The following MATR3 variants were observed in gnomAD, a reference collection of about 807,000 sequenced individuals.
MATR3 encodes matrin 3, also known as matrin-3.
Under a neutral mutation model 85.5 loss-of-function variants are expected in MATR3, and 4 were observed. The observed-to-expected ratio is 0.05, with a 90% CI of 0.02 to 0.11. The LOEUF is 0.11. Ranked by LOEUF, MATR3 falls within the 10% of genes least tolerant of loss-of-function variation. The pLI is 1.00. For synonymous variants in MATR3, 336 were observed against 343.1 expected (o/e 0.98, Z 0.23); for missense variants, 685 against 1,016.1 (o/e 0.67, Z 4.43).
rs1317177661 is a variant in MATR3 at position 139,323,544 on chromosome 5, A to G, written c.2148+577A>G. Among the ~76,000 whole-genome samples, 3 of 152,354 alleles carry G rather than the reference A, an allele frequency of 2.0e-5. No homozygotes were observed. In the East Asian group the frequency reaches 5.8e-4, roughly 29 times the overall value. On this transcript the variant is annotated intron_variant, in intron 12 of 14. Transcript: ENST00000394805. ...TAAACAAAGGACCCACATTGAGCTG[A>G]CTGCCTAGCTTAAGGAGTAGGGCAT...
chr5:139,292,556 C>CATT (rs1417912866), upstream of MATR3, among the ~76,000 whole-genome samples: 2 of 152,146 alleles, frequency 1.3e-5, no homozygotes, highest in African/African-American at 2.4e-5. Flanking sequence ...CTAACCAGTA[C>CATT]CTCAGTCCCA....
In MATR3 at chr5:139,307,628, T is replaced by G; in HGVS notation, c.213T>G (p.Ser71Arg). The G allele has an allele frequency of 6.2e-7, 1 of 1,614,224 alleles. No homozygotes were observed. The highest frequency in any genetic ancestry group is 8.5e-7 in the Non-Finnish European group (1 of 1,180,040). ...CATTGAATCAACAAGGAGCTCATAG[T>G]GCACTGTCTTCTGCTAGTACTTCTT... ...SSSLNQQGAH[S>R]ALSSASTSSH... The change falls in exon 2 of 15, where the codon AGT becomes AGG. Residue 71 changes from serine (S) to arginine (R), a missense_variant. Physicochemically the swap from Ser to Arg is moderately radical, Grantham distance 110. Around this residue, in one of 9 missense-constraint regions of MATR3, gnomAD observed 57 missense variants for 68.6 expected, o/e 0.83. Coordinates refer to ENST00000394805, the MANE Select transcript of MATR3 (RefSeq NM_018834.6). This position sits in a 1 kb window ranked among gnomAD's most constrained non-coding sequence, Gnocchi z 4.4.
chr5:139,293,088 C>T (rs566415091), upstream of MATR3, among the ~76,000 whole-genome samples: 1 of 151,830 alleles, frequency 6.6e-6, no homozygotes, highest in South Asian at 2.1e-4. Context: ...ACCATCTCTA[C>T]GGAAAAAATA....
At chr5:139,324,965 G>T (rs976413436) in intron 12 of MATR3, among the ~76,000 whole-genome samples, 1 of 152,084 alleles carries the variant, frequency 6.6e-6, no homozygotes, top group Non-Finnish European at 1.5e-5. Context: ...GCCGAGGTGG[G>T]TGGATCACGA....
At chr5:139,302,247 C>T (rs1478919741) in intron 1 of MATR3, among the ~76,000 whole-genome samples, 1 of 152,074 alleles carries the variant, frequency 6.6e-6, no homozygotes, top group Non-Finnish European at 1.5e-5. Context: ...CAGGTGTGAG[C>T]CACTGCGCCT....
intron 9 of MATR3, among the ~76,000 whole-genome samples, chr5:139,320,300 T>A (rs1031321519): frequency 6.6e-6 from 1 of 151,592 alleles, no homozygotes; most frequent in African/African-American, 2.4e-5. Flanking sequence ...AGAGCAAGAC[T>A]CCATCTCAAA....
intron 12 of MATR3, among the ~76,000 whole-genome samples, chr5:139,323,750 C>T (rs1255537629): frequency 1.3e-5 from 2 of 152,082 alleles, no homozygotes; most frequent in Admixed American, 6.6e-5. Flanking sequence ...GAAAATTAGC[C>T]GGGCGTGGTG....
chr5:139,310,514 C>A, intron 2 of MATR3: 1 of 152,194 alleles, frequency 6.6e-6, no homozygotes, highest in East Asian at 1.9e-4. Flanking sequence ...ATAGAAATGA[C>A]CTTAGAGAAA....
rs980886930 is a variant in MATR3 at position 139,293,754 on chromosome 5, C to G, written c.-229C>G. ...CGGGGGATTGTGGGAGTCTCCGCGT[C>G]CCGCTCGCTGGGAGAGAGGTACCTC... is the stretch of plus-strand genomic sequence containing the variant. On this transcript the variant is annotated 5_prime_UTR_variant, in exon 1 of 15. Transcript: ENST00000394805. 81 of 382,066 alleles carry G rather than the reference C, an allele frequency of 2.1e-4. No individual in the cohort carries two copies. Among genetic ancestry groups the G allele is most frequent in the African/African-American group, 1.6e-3 (76 of 48,158 alleles). The allele number at this position is 382,066 out of a possible 1,614,324, so 23.7% of individuals were successfully genotyped here.
intron 3 of MATR3, among the ~76,000 whole-genome samples, chr5:139,284,940 G>A (rs368779814): frequency 3.9e-5 from 6 of 152,040 alleles, no homozygotes; most frequent in African/African-American, 9.7e-5. Context: ...GACATGTGGC[G>A]CCATAGAATA....
At chr5:139,306,668 T>C (rs1270422523) in intron 1 of MATR3, among the ~76,000 whole-genome samples, 1 of 152,250 alleles carries the variant, frequency 6.6e-6, no homozygotes, top group African/African-American at 2.4e-5. Flanking sequence ...TATTCACATC[T>C]ATCTTCACCT....
At chr5:139,319,702 T>A (rs779637444) in intron 9 of MATR3, among the ~76,000 whole-genome samples, 1 of 151,378 alleles carries the variant, frequency 6.6e-6, no homozygotes, top group South Asian at 2.1e-4. Flanking sequence ...ACAAAAATTA[T>A]CCAGGCGTGA....
chr5:139,319,152 A>G (rs986766321), intron 8 of MATR3, 119 bp downstream of exon 8: 51 of 1,332,174 alleles, frequency 3.8e-5, no homozygotes, highest in Middle Eastern at 4.2e-4. Flanking sequence ...CTGTAATCCC[A>G]GCACCTTGGG....
chr5:139,308,052 T>G lies in MATR3; in HGVS notation c.637T>G (p.Tyr213Asp). Residue 213 changes from tyrosine (Y) to aspartate (D), a missense_variant, in exon 2 of 15, where the codon TAT becomes GAT. Transcript: ENST00000394805. ...TGGAAGTCGTTCTCAAGAATCTGGT[T>G]ATTATGACAGAATGGATTATGAAGA... Reference protein sequence around the residue: ...DHGSRSQESGYYDRMDYEDDR... With the variant: ...DHGSRSQESGDYDRMDYEDDR... 1 of 1,614,180 alleles carries G rather than the reference T, an allele frequency of 6.2e-7. No homozygotes were observed. Among genetic ancestry groups the G allele is most frequent in the Non-Finnish European group, 8.5e-7 (1 of 1,180,032 alleles).
chr5:139,275,549 T>C (rs1753244880), intron 1 of MATR3, among the ~76,000 whole-genome samples: 1 of 152,156 alleles, frequency 6.6e-6, no homozygotes, highest in South Asian at 2.1e-4. Flanking sequence ...TCCTCAGGTG[T>C]TTACTGAGTG....
At chr5:139,323,008 A>C (rs750187303) in intron 12 of MATR3, 41 bp downstream of exon 12, 4 of 1,571,628 alleles carry the variant, frequency 2.5e-6, no homozygotes, top group Non-Finnish European at 3.5e-6. Context: ...AGAACATTAG[A>C]TCAGATCAGT....
rs774360340 is a variant in MATR3 at position 139,322,706 on chromosome 5, G to A, written c.1887G>A (p.Glu629=). The change falls in exon 12 of 15, where the codon GAG becomes GAA. Residue 629 remains glutamate, a synonymous_variant. Coordinates refer to ENST00000394805, the MANE Select transcript of MATR3 (RefSeq NM_018834.6). Reference sequence around the variant, plus strand: ...CAACCGAAGGTAAAGAACAAGAAGAGAAGTCCGGTGAAGATGGTGAGAAAG... The same window carrying A: ...CAACCGAAGGTAAAGAACAAGAAGAAAAGTCCGGTGAAGATGGTGAGAAAG... ...ESSTEGKEQE[E]KSGEDGEKDT... is the part of the protein sequence containing the mutation. The A allele has an allele frequency of 1.2e-6, 2 of 1,614,168 alleles. No individual in the cohort carries two copies. Among genetic ancestry groups the A allele is most frequent in the South Asian group, 1.1e-5 (1 of 91,082 alleles).
chr5:139,291,908 C>A (rs1421169294), upstream of MATR3: 3 of 149,970 alleles, frequency 2.0e-5, no homozygotes, highest in Non-Finnish European at 3.0e-5. Context: ...CTCCACTGAC[C>A]AGCTTTTTCA....
chr5:139,289,274 C>T (rs1434469540), upstream of MATR3, among the ~76,000 whole-genome samples: 2 of 152,154 alleles, frequency 1.3e-5, no homozygotes, highest in South Asian at 2.1e-4. Flanking sequence ...TTTTCCTTGC[C>T]TGGGCGTGGT....
Sources: gnomAD v4.1 joint callset for allele counts (sites outside exome capture counted in the v4.1 genomes callset) on GRCh38, gnomAD v4.1.1 for gene constraint, gnomAD v4.1.1 regional missense constraint, Gnocchi (gnomAD v3.1) non-coding constraint, MANE v1.5 for transcripts, NCBI Gene and HGNC (gene_info 2026-07-23, HGNC 2026-07-21) for gene names.